Variants in SPATA6 observed in about 807,000 individuals in gnomAD.
SPATA6 encodes spermatogenesis-associated protein 6.
SPATA6 carries 56 observed loss-of-function variants against 65.3 expected under a neutral mutation model. The ratio of observed to expected loss-of-function variants is 0.86; its 90% CI spans 0.69 to 1.07. The LOEUF is 1.07. Among genes scored for constraint, SPATA6 ranks in the 50% least tolerant of loss-of-function variants. SPATA6 has a pLI of 0.00. For missense variants in SPATA6, 590 were observed against 594.8 expected, an observed-to-expected ratio of 0.99 and a Z score of 0.08; for synonymous variants, 199 against 213.2, an observed-to-expected ratio of 0.93 and a Z score of 0.58.
Position 48,395,278 on chromosome 1 carries a change from CT to C in SPATA6, c.856del (p.Arg286GlyfsTer32). On this transcript the variant is annotated frameshift_variant, in exon 8 of 13. Transcript: ENST00000371847. LOFTEE classifies it high-confidence loss of function. ...AACTTCTAGCTTACCATTGTGCACC[CT>C]TGACCATCCATCTCTTTCACAGTCT... ...GRDCERDGWS[R>X]VHNDHSHLGC... 1 of 1,564,586 alleles carries C rather than the reference CT, an allele frequency of 6.4e-7. No homozygotes were observed. The highest frequency in any genetic ancestry group is 8.7e-7 in the Non-Finnish European group (1 of 1,152,592).
intron 11 of SPATA6, chr1:48,325,551 G>C (rs1377951031): frequency 8.6e-7 from 1 of 1,168,336 alleles, no homozygotes; most frequent in Admixed American, 1.7e-5. Flanking sequence ...CTTCCTCTTT[G>C]GTCTTGGAAT....
intron 12 of SPATA6, among the ~76,000 whole-genome samples, chr1:48,302,110 T>TC (rs772239181): frequency 3.3e-5 from 5 of 152,208 alleles, no homozygotes; most frequent in Non-Finnish European, 5.9e-5. Flanking sequence ...CTGGATTCTT[T>TC]CCGATTCTTT....
At chr1:48,412,907 C>T (rs1295553660) in intron 4 of SPATA6, among the ~76,000 whole-genome samples, 1 of 151,982 alleles carries the variant, frequency 6.6e-6, no homozygotes, top group Non-Finnish European at 1.5e-5. Context: ...GCATGAGCCA[C>T]TATGCCCGGC....
At chr1:48,342,288 C>A (rs551896134) in intron 11 of SPATA6, among the ~76,000 whole-genome samples, 1 of 152,160 alleles carries the variant, frequency 6.6e-6, no homozygotes, top group East Asian at 1.9e-4. Flanking sequence ...TTGTTGACTG[C>A]AGCTATACAG....
chr1:48,391,086 C>T (rs561691061), intron 8 of SPATA6, among the ~76,000 whole-genome samples: 17 of 151,754 alleles, frequency 1.1e-4, no homozygotes, highest in East Asian at 9.7e-4. Context: ...GAAGGACATC[C>T]GGACACGGTG....
chr1:48,399,433 G>T lies in SPATA6; in HGVS notation c.698C>A (p.Thr233Asn). ...KRRMCELSEDTRRRLAHLNLG... is the reference protein window; with the variant it reads ...KRRMCELSEDNRRRLAHLNLG... ...ATTTAAATGGGCCAGCCGCCGCCTG[G>T]TGTCTTCAGATAGCTCACACATGCG... Residue 233 changes from threonine (T) to asparagine (N), a missense_variant, in exon 7 of 13, where the codon ACC becomes AAC. Coordinates refer to ENST00000371847, the MANE Select transcript of SPATA6 (RefSeq NM_019073.4). 1 of 1,613,104 alleles carries T rather than the reference G, an allele frequency of 6.2e-7. No individual in the cohort carries two copies. The highest frequency in any genetic ancestry group is 1.1e-5 in the South Asian group (1 of 91,056).
intron 3 of SPATA6, among the ~76,000 whole-genome samples, chr1:48,438,091 C>T (rs2148090676): frequency 6.6e-6 from 1 of 152,214 alleles, no homozygotes; most frequent in South Asian, 2.1e-4. Flanking sequence ...GGTCCCCTTC[C>T]ACGCTGTGGA....
the SPATA6 span, among the ~76,000 whole-genome samples, chr1:48,288,622 C>G: frequency 6.6e-6 from 1 of 152,180 alleles, no homozygotes; most frequent in African/African-American, 2.4e-5. Context: ...CAGACAGCAC[C>G]TGGAAAACCA....
chr1:48,367,327 C>A (rs1302259634), intron 9 of SPATA6, among the ~76,000 whole-genome samples: 4 of 152,116 alleles, frequency 2.6e-5, no homozygotes, highest in Non-Finnish European at 4.4e-5. Flanking sequence ...TGGTGCAGAG[C>A]TGAGTTCAAT....
At chr1:48,340,057 T>C (rs1475891457) in intron 11 of SPATA6, among the ~76,000 whole-genome samples, 1 of 151,448 alleles carries the variant, frequency 6.6e-6, no homozygotes, top group Non-Finnish European at 1.5e-5. Flanking sequence ...AGAATAAGAC[T>C]AACAACACAC....
intron 3 of SPATA6, among the ~76,000 whole-genome samples, chr1:48,447,393 C>T (rs1455480774): frequency 6.6e-6 from 1 of 152,130 alleles, no homozygotes; most frequent in Non-Finnish European, 1.5e-5. Flanking sequence ...GTGTCACGCA[C>T]CTGTAGTCCC....
At chr1:48,337,849 C>A (rs897845612) in intron 11 of SPATA6, among the ~76,000 whole-genome samples, 1 of 151,880 alleles carries the variant, frequency 6.6e-6, no homozygotes, top group African/African-American at 2.4e-5. Flanking sequence ...AATTAATAGA[C>A]ACAATTTCAT....
At chr1:48,335,524 C>T (rs1570175422) in intron 11 of SPATA6, among the ~76,000 whole-genome samples, 1 of 151,898 alleles carries the variant, frequency 6.6e-6, no homozygotes, top group African/African-American at 2.4e-5. Context: ...AAGCTGACAA[C>T]AACAAGCAAT....
chr1:48,435,348 C>G (rs745538619), intron 3 of SPATA6, among the ~76,000 whole-genome samples: 1 of 151,970 alleles, frequency 6.6e-6, no homozygotes, highest in Non-Finnish European at 1.5e-5. Context: ...TGTAAATGCA[C>G]CAATCAGCAC....
At position 48,472,049 on chromosome 1, in the gene SPATA6, G is replaced by A. The variant is rs760236326; in HGVS notation, c.-41C>T. ...CGGCGGGGAGTGACCCCGGCCACGG[G>A]CCCGAGTGAGGCGGGGAGACCTGGG... is the stretch of plus-strand genomic sequence containing the variant. On this transcript the variant is annotated 5_prime_UTR_variant, in exon 1 of 13. Transcript: ENST00000371847. 20 of 1,436,292 alleles carry A rather than the reference G, an allele frequency of 1.4e-5. No individual in the cohort carries two copies. The highest frequency in any genetic ancestry group is 1.8e-5 in the Non-Finnish European group (20 of 1,086,120). The allele number at this position is 1,436,292 out of a possible 1,614,324, so 89.0% of individuals were successfully genotyped here.
intron 9 of SPATA6, among the ~76,000 whole-genome samples, chr1:48,360,761 G>A (rs1646789286): frequency 6.6e-6 from 1 of 152,178 alleles, no homozygotes; most frequent in Non-Finnish European, 1.5e-5. Context: ...AAATCAGCTA[G>A]GAACCTATTA....
chr1:48,303,221 A>G (rs1644982657), intron 12 of SPATA6, among the ~76,000 whole-genome samples: 1 of 152,166 alleles, frequency 6.6e-6, no homozygotes, highest in Non-Finnish European at 1.5e-5. Flanking sequence ...GTAGTGAATC[A>G]AATCATGGTA....
intron 11 of SPATA6, among the ~76,000 whole-genome samples, chr1:48,311,637 G>A (rs1033437646): frequency 1.1e-4 from 16 of 152,266 alleles, no homozygotes; most frequent in South Asian, 2.1e-4. Flanking sequence ...AGCTCCCAAC[G>A]TGAGCGACAC....
chr1:48,412,366 T>C (rs1652327820), intron 4 of SPATA6, among the ~76,000 whole-genome samples: 1 of 152,172 alleles, frequency 6.6e-6, no homozygotes, highest in East Asian at 1.9e-4. Context: ...AATTAACTAC[T>C]TTATCAATAA....
Sources: allele counts gnomAD v4.1 joint callset (sites outside exome capture counted in the v4.1 genomes callset), GRCh38; gene constraint gnomAD v4.1.1; transcripts MANE v1.5; gene names NCBI Gene and HGNC (gene_info 2026-07-23, HGNC 2026-07-21).